Variants in PPP1R16B observed in about 807,000 individuals in gnomAD.
The protein encoded by PPP1R16B is protein phosphatase 1 regulatory subunit 16B, also known as protein phosphatase 1 regulatory inhibitor subunit 16B.
PPP1R16B carries 14 observed loss-of-function variants against 61.7 expected under a neutral mutation model. That is an observed-to-expected ratio of 0.23 (90% CI 0.15 to 0.35). The LOEUF is 0.35. Among genes scored for constraint, PPP1R16B ranks in the 10% least tolerant of loss-of-function variants. PPP1R16B has a pLI of 1.00. For synonymous variants in PPP1R16B, 266 were observed against 305.3 expected, an observed-to-expected ratio of 0.87 and a Z score of 1.34; for missense variants, 547 against 752.5, an observed-to-expected ratio of 0.73 and a Z score of 3.19.
chr20:38,813,779 T>C (rs1357780186), intron 1 of PPP1R16B, among the ~76,000 whole-genome samples: 1,702 of 145,048 alleles, frequency 0.012, 39 homozygotes, highest in African/African-American at 0.041. Context: ...TTATTATTAT[T>C]ATTATTATTA....
intron 2 of PPP1R16B, among the ~76,000 whole-genome samples, chr20:38,876,622 C>T (rs905962182): frequency 3.3e-5 from 5 of 151,878 alleles, no homozygotes; most frequent in African/African-American, 1.2e-4. Context: ...AGTGTGCCAA[C>T]CCCTGCACTC....
chr20:38,855,808 C>T (rs2084999951), intron 2 of PPP1R16B, among the ~76,000 whole-genome samples: 1 of 151,024 alleles, frequency 6.6e-6, no homozygotes, highest in Non-Finnish European at 1.5e-5. Context: ...GCTGTGCCTT[C>T]CCACTCCCTG....
rs201001875 is a variant in PPP1R16B at position 38,907,947 on chromosome 20, G to A, written c.1028+12G>A. On this transcript the variant is annotated intron_variant, in intron 9 of 10. Coordinates refer to ENST00000299824, the MANE Select transcript of PPP1R16B (RefSeq NM_015568.4). The surrounding 1 kb of genome is among the most constrained non-coding windows in gnomAD (Gnocchi z 4.5). ...GCAGGCAGCCGTGGGTGAGTCCGGG[G>A]CAGGGCAGCCAGGAGTCCCTGTGTG... 1.9e-5 allele frequency: 31 copies of A among 1,614,150 alleles called. No individual in the cohort carries two copies. The East Asian group carries it at 4.2e-4, about 22-fold the overall frequency.
At position 38,918,234 on chromosome 20, in the gene PPP1R16B, T is replaced by G. The variant is rs1309645631; in HGVS notation, c.1272T>G (p.Val424=). Residue 424 remains valine, a synonymous_variant, in exon 11 of 11, where the codon GTT becomes GTG. Coordinates refer to ENST00000299824, the MANE Select transcript of PPP1R16B (RefSeq NM_015568.4). The surrounding 1 kb of genome is among the most constrained non-coding windows in gnomAD (Gnocchi z 5.3). The stretch of plus-strand genomic sequence containing the variant: ...CACGAGGTGAACTGGACATGCCTGT[T>G]GAGAATGGCCTCCGGGCTCCGGTCA... ...KIPRGELDMP[V]ENGLRAPVSA... is the part of the protein sequence containing the mutation. The G allele has an allele frequency of 1.1e-5, 17 of 1,614,098 alleles. No individual in the cohort carries two copies. Among genetic ancestry groups the G allele is most frequent in the Non-Finnish European group, 1.4e-5 (17 of 1,180,018 alleles).
chr20:38,820,768 C>A (rs549073757), intron 1 of PPP1R16B, among the ~76,000 whole-genome samples: 1 of 152,010 alleles, frequency 6.6e-6, no homozygotes, highest in Non-Finnish European at 1.5e-5. Context: ...TGCGGTGGCT[C>A]ACGCCTGTAA....
chr20:38,899,851 C>T (rs1002595523), intron 4 of PPP1R16B, among the ~76,000 whole-genome samples: 19 of 151,634 alleles, frequency 1.3e-4, no homozygotes, highest in Non-Finnish European at 2.8e-4. Flanking sequence ...GGCTGGAGTG[C>T]AGTGGCGTGA....
In PPP1R16B at chr20:38,900,628, A is replaced by C; in HGVS notation, c.515A>C (p.Asp172Ala). Residue 172 changes from aspartate (D) to alanine (A), a missense_variant, in exon 5 of 11, where the codon GAC (aspartate) becomes GCC (alanine). Physicochemically the swap from Asp to Ala is moderately radical, Grantham distance 126. Coordinates refer to ENST00000299824, the MANE Select transcript of PPP1R16B (RefSeq NM_015568.4). ...AACTCGGATGGGAACATGCCATATG[A>C]CCTCTGCGAGGATGAACCCACCCTG... ...AVNSDGNMPY[D>A]LCEDEPTLDV... 6.3e-7 allele frequency: 1 copy of C among 1,595,996 alleles called. No individual in the cohort carries two copies. Among genetic ancestry groups the C allele is most frequent in the Non-Finnish European group, 8.5e-7 (1 of 1,172,654 alleles).
At position 38,818,022 on chromosome 20, in the gene PPP1R16B, C is replaced by T. The variant is rs532992906; in HGVS notation, c.-102+12230C>T. On this transcript the variant is annotated intron_variant, in intron 1 of 10. Transcript: ENST00000299824. ...TTGTGCCACTGCACTCCAGCCTGGG[C>T]GACAGAGCGAGACTCCGTCTCAAAA... Among the ~76,000 whole-genome samples the T allele has an allele frequency of 1.1e-4, 16 of 152,288 alleles. No individual in the cohort carries two copies. The South Asian group carries it at 2.7e-3, about 26-fold the overall frequency.
intron 1 of PPP1R16B, among the ~76,000 whole-genome samples, chr20:38,811,721 G>A (rs2084701865): frequency 6.6e-6 from 1 of 152,176 alleles, no homozygotes; most frequent in Non-Finnish European, 1.5e-5. Context: ...GTTTTTGGTT[G>A]TTACAACTTT....
chr20:38,896,230 C>T (rs1327377928), intron 4 of PPP1R16B, among the ~76,000 whole-genome samples: 2 of 140,674 alleles, frequency 1.4e-5, no homozygotes, highest in Non-Finnish European at 3.1e-5. Context: ...TTTCTTTTCC[C>T]TACCTGCCTC....
At chr20:38,915,798 T>G (rs1165834826) in intron 10 of PPP1R16B, among the ~76,000 whole-genome samples, 1 of 151,098 alleles carries the variant, frequency 6.6e-6, no homozygotes, top group Non-Finnish European at 1.5e-5. Context: ...CCTGTACATG[T>G]TTTTTTTTAA....
At chr20:38,866,378 C>T (rs555859534) in intron 2 of PPP1R16B, among the ~76,000 whole-genome samples, 66 of 152,272 alleles carry the variant, frequency 4.3e-4, no homozygotes, top group African/African-American at 1.6e-3. Context: ...GAGTCTCTTT[C>T]CCTCATCTGT....
chr20:38,829,019 T>C (rs1437847010), intron 1 of PPP1R16B, among the ~76,000 whole-genome samples: 1 of 152,220 alleles, frequency 6.6e-6, no homozygotes, highest in Non-Finnish European at 1.5e-5. Context: ...TGCCATACTT[T>C]CTTGCCTTTC....
At chr20:38,892,777 G>C (rs1043744640) in intron 3 of PPP1R16B, among the ~76,000 whole-genome samples, 2 of 152,178 alleles carry the variant, frequency 1.3e-5, no homozygotes, top group African/African-American at 4.8e-5. Flanking sequence ...ATCTGAGCTG[G>C]GTCTTGAAGG....
chr20:38,877,403 A>G (rs996992176), intron 2 of PPP1R16B, among the ~76,000 whole-genome samples: 3 of 151,358 alleles, frequency 2.0e-5, no homozygotes, highest in African/African-American at 7.3e-5. Flanking sequence ...TCCACCTCCC[A>G]GGTTCAAGCA....
rs376882236 is a variant in PPP1R16B, at chr20:38,811,595, A to G, written c.-102+5803A>G. 7.9e-5 allele frequency among the ~76,000 whole-genome samples: 12 copies of G among 152,358 alleles called. No individual in the cohort carries two copies. In the East Asian group the frequency reaches 1.9e-3, roughly 24 times the overall value. On this transcript the variant is annotated intron_variant, in intron 1 of 10. Coordinates refer to ENST00000299824, the MANE Select transcript of PPP1R16B (RefSeq NM_015568.4). ...CTCTGCAGTACTTATAATTGTGATT[A>G]TATGGTTATATGTGAGCATTACTCT...
intron 2 of PPP1R16B, among the ~76,000 whole-genome samples, chr20:38,867,759 G>A (rs150754639): frequency 3.3e-5 from 5 of 151,676 alleles, no homozygotes; most frequent in East Asian, 3.9e-4. Context: ...TGCAACCTCC[G>A]CCTCCTGGGT....
At chr20:38,854,973 C>T (rs1176131372) in intron 2 of PPP1R16B, among the ~76,000 whole-genome samples, 1 of 152,164 alleles carries the variant, frequency 6.6e-6, no homozygotes, top group East Asian at 1.9e-4. Context: ...TTATTGCAGT[C>T]ATTTACACTT....
At chr20:38,811,278 C>A (rs541493271) in intron 1 of PPP1R16B, among the ~76,000 whole-genome samples, 28 of 152,134 alleles carry the variant, frequency 1.8e-4, no homozygotes, top group African/African-American at 6.8e-4. Context: ...CATCCAAACA[C>A]AGGCTTACAT....
Sources: allele counts gnomAD v4.1 joint callset (sites outside exome capture counted in the v4.1 genomes callset), GRCh38; gene constraint gnomAD v4.1.1; non-coding constraint Gnocchi (gnomAD v3.1); transcripts MANE v1.5; gene names NCBI Gene and HGNC (gene_info 2026-07-23, HGNC 2026-07-21).